The following CSNK1D variants were observed in gnomAD, a reference collection of about 807,000 sequenced individuals.
CSNK1D encodes the protein casein kinase 1 delta, also known as casein kinase I isoform delta.
CSNK1D carries 16 observed loss-of-function variants against 46.6 expected under a neutral mutation model. The ratio of observed to expected loss-of-function variants is 0.34; its 90% confidence interval spans 0.23 to 0.52. The LOEUF (loss-of-function observed/expected upper bound fraction) is 0.52. Among genes scored for constraint, CSNK1D ranks in the 20% least tolerant of loss-of-function variants. The pLI, the probability that CSNK1D is intolerant of heterozygous loss-of-function variation, is 0.95. For missense variants in CSNK1D, 398 were observed against 578.4 expected (o/e 0.69, Z 3.20); for synonymous variants, 276 against 228.2 (o/e 1.21, Z -1.89).
downstream of CSNK1D, chr17:82,239,825 G>T: frequency 2.4e-6 from 1 of 416,738 alleles, no homozygotes; most frequent in Non-Finnish European, 4.1e-6. Context: ...TGTGCGTGGT[G>T]TGGTCAGTGC....
At position 82,251,930 on chromosome 17, in the gene CSNK1D, C is replaced by G. The variant is rs1437738130; in HGVS notation, c.737-403G>C. Reference sequence around the variant, plus strand: ...AATGGTATGAACCCGGGAGGCGGAGCTTGCAGTGAGCCGAGATCACGCCAC... The same window carrying G: ...AATGGTATGAACCCGGGAGGCGGAGGTTGCAGTGAGCCGAGATCACGCCAC... On this transcript the variant is annotated intron_variant, in intron 5 of 8. Coordinates refer to ENST00000314028, the MANE Select transcript of CSNK1D (RefSeq NM_001893.6). This position sits in a 1 kb window ranked among gnomAD's most constrained non-coding sequence, Gnocchi z 4.5. The G allele has an allele frequency of 9.2e-6, 3 of 324,468 alleles. No homozygotes were observed. Among genetic ancestry groups the G allele is most frequent in the Non-Finnish European group, 1.8e-5 (3 of 169,538 alleles). The allele number at this position is 324,468 out of a possible 1,614,324, so 20.1% of individuals were successfully genotyped here.
chr17:82,266,156 A>G (rs140444348), intron 1 of CSNK1D, among the ~76,000 whole-genome samples: 53 of 152,286 alleles, frequency 3.5e-4, no homozygotes, highest in African/African-American at 1.1e-3. Context: ...AGCCTGTGGT[A>G]GAGCTCCACG....
chr17:82,246,551 T>G, intron 8 of CSNK1D: 1 of 1,046,204 alleles, frequency 9.6e-7, no homozygotes. Context: ...CCCAGGCTAC[T>G]GTAGCCAAAG....
At chr17:82,241,765 G>A (rs1251415672), downstream of CSNK1D, among the ~76,000 whole-genome samples, 2 of 152,242 alleles carry the variant, frequency 1.3e-5, no homozygotes, top group Admixed American at 6.5e-5. Flanking sequence ...GGCACAGCCA[G>A]AATGGCTGAG....
chr17:82,263,758 G>T (rs977267961), intron 2 of CSNK1D, among the ~76,000 whole-genome samples: 18 of 152,216 alleles, frequency 1.2e-4, no homozygotes, highest in African/African-American at 4.3e-4. Context: ...CTTGACCCCA[G>T]CACCAGGCTC....
chr17:82,241,170 A>G (rs1181366493), downstream of CSNK1D, among the ~76,000 whole-genome samples: 1 of 152,184 alleles, frequency 6.6e-6, no homozygotes, highest in African/African-American at 2.4e-5. Flanking sequence ...ATGATCCCAG[A>G]TCAGAGGGAG....
chr17:82,257,643 G>GTGAGAGGGCGCCC (rs1476135998), intron 2 of CSNK1D, among the ~76,000 whole-genome samples: 1 of 152,164 alleles, frequency 6.6e-6, no homozygotes, highest in Non-Finnish European at 1.5e-5. Context: ...GGAAGGAGCC[G>GTGAGAGGGCGCCC]TGAGAGGGCG....
At position 82,265,724 on chromosome 17, in the gene CSNK1D, T is replaced by C; in HGVS notation, c.149A>G (p.His50Arg). Residue 50 changes from histidine (H) to arginine (R), a missense_variant, in exon 2 of 9, where the codon CAC becomes CGC. Physicochemically the swap from His to Arg is conservative, Grantham distance 29. Coordinates refer to ENST00000314028, the MANE Select transcript of CSNK1D (RefSeq NM_001893.6). Reference protein sequence around the residue: ...ECVKTKHPQLHIESKIYKMMQ... With the variant: ...ECVKTKHPQLRIESKIYKMMQ... ...CATCTTGTAGATTTTGCTCTCAATGTGGAGCTGAGGGTGTTTGGTTTTGAC... is the reference window on the plus strand; with the variant it reads ...CATCTTGTAGATTTTGCTCTCAATGCGGAGCTGAGGGTGTTTGGTTTTGAC... 1 of 1,614,212 alleles carries C rather than the reference T, an allele frequency of 6.2e-7. No individual in the cohort carries two copies. The highest frequency in any genetic ancestry group is 2.2e-5 in the East Asian group (1 of 44,880).
chr17:82,260,232 G>GAGTGATGTGACTGATGGTATACCA (rs2051294459), intron 2 of CSNK1D, among the ~76,000 whole-genome samples: 1 of 151,584 alleles, frequency 6.6e-6, no homozygotes, highest in African/African-American at 2.4e-5. Context: ...ATGGTGTACT[G>GAGTGATGTGACTGATGGTATACCA]AGTGATGTGA....
chr17:82,255,679 A>G lies in CSNK1D; in HGVS notation c.188-102T>C, dbSNP rs1035405140. Reference sequence around the variant, plus strand: ...CAAGGGGTCATGGTGACAATCCTGAACGGGGGAGGGGTGGTGGAGGTAGAA... The same window carrying G: ...CAAGGGGTCATGGTGACAATCCTGAGCGGGGGAGGGGTGGTGGAGGTAGAA... On this transcript the variant is annotated intron_variant, in intron 2 of 8. Coordinates refer to ENST00000314028, the MANE Select transcript of CSNK1D (RefSeq NM_001893.6). This position sits in a 1 kb window ranked among gnomAD's most constrained non-coding sequence, Gnocchi z 5.9. The G allele has an allele frequency of 1.4e-6, 2 of 1,443,060 alleles. No homozygotes were observed. The highest frequency in any genetic ancestry group is 1.9e-6 in the Non-Finnish European group (2 of 1,030,132). The allele number at this position is 1,443,060 out of a possible 1,614,324, so 89.4% of individuals were successfully genotyped here. A position where few individuals can be genotyped will look rare whatever the true frequency, so the allele number is the denominator to read the frequency against.
At chr17:82,240,012 G>A, downstream of CSNK1D, 1 of 1,233,800 alleles carries the variant, frequency 8.1e-7, no homozygotes, top group Non-Finnish European at 1.0e-6. Flanking sequence ...GACGGCAGCG[G>A]GTGCCCTGGC....
At chr17:82,267,730 G>A (rs1463962678) in intron 1 of CSNK1D, among the ~76,000 whole-genome samples, 3 of 152,198 alleles carry the variant, frequency 2.0e-5, no homozygotes, top group African/African-American at 4.8e-5. Flanking sequence ...CTCGCCAGCC[G>A]GGAGGGAGGG....
At chr17:82,266,721 A>C (rs2051477752) in intron 1 of CSNK1D, 1 of 152,478 alleles carries the variant, frequency 6.6e-6, no homozygotes, top group South Asian at 2.1e-4. Flanking sequence ...CACACAGTAC[A>C]TACCCAGCTC....
At position 82,243,245 on chromosome 17, in the gene CSNK1D, A is replaced by G; in HGVS notation, c.*1536T>C. 1.0e-6 allele frequency: 1 copy of G among 985,504 alleles called. No individual in the cohort carries two copies. Among genetic ancestry groups the G allele is most frequent in the Non-Finnish European group, 1.2e-6 (1 of 829,988 alleles). 61.0% of individuals were successfully genotyped at this position (985,504 alleles called of 1,614,324 possible). A position where few individuals can be genotyped will look rare whatever the true frequency, so the allele number is the denominator to read the frequency against. ...GCCAGCCAGTTATGGCATCCGGGGA[A>G]CTCTGGGGAGGAGAAGGGAGAACCA... is the stretch of plus-strand genomic sequence containing the variant. On this transcript the variant is annotated 3_prime_UTR_variant, in exon 9 of 9. Transcript: ENST00000314028.
chr17:82,253,529 G>A (rs1054234411), intron 3 of CSNK1D: 7 of 444,066 alleles, frequency 1.6e-5, no homozygotes, highest in Non-Finnish European at 3.0e-5. Flanking sequence ...ACTAGACATC[G>A]GTCTCTCCCA....
In CSNK1D at chr17:82,243,399, G is replaced by A. The variant is rs1025191148; in HGVS notation, c.*1382C>T. 7.1e-6 allele frequency: 7 copies of A among 985,396 alleles called. No individual in the cohort carries two copies. The highest frequency in any genetic ancestry group is 5.2e-5 in the African/African-American group (3 of 57,250). 61.0% of individuals were successfully genotyped at this position (985,396 alleles called of 1,614,324 possible). A position where few individuals can be genotyped will look rare whatever the true frequency, so the allele number is the denominator to read the frequency against. On this transcript the variant is annotated 3_prime_UTR_variant, in exon 9 of 9. Transcript: ENST00000314028. ...TGGGAGCACATGGCCACTGGCTACC[G>A]CCCAAGTGCTGCGGAGTGAGAGGCG...
At chr17:82,271,781 G>A (rs1246714279) in intron 1 of CSNK1D, among the ~76,000 whole-genome samples, 2 of 152,218 alleles carry the variant, frequency 1.3e-5, no homozygotes, top group Non-Finnish European at 2.9e-5. Context: ...AAGGGTGTGA[G>A]AACTGGAGAC....
At chr17:82,246,217 G>A in intron 8 of CSNK1D, 1 of 1,511,070 alleles carries the variant, frequency 6.6e-7, no homozygotes, top group Non-Finnish European at 8.8e-7. Context: ...CGGGCCTCTG[G>A]ATGAGAGTGG....
intron 8 of CSNK1D, chr17:82,246,758 C>T: frequency 1.0e-6 from 1 of 991,888 alleles, no homozygotes; most frequent in Non-Finnish European, 1.2e-6. Flanking sequence ...TGCCTCCTCC[C>T]ATCTCCACAG....
Sources: gnomAD v4.1 joint callset for allele counts (sites outside exome capture counted in the v4.1 genomes callset) on GRCh38, gnomAD v4.1.1 for gene constraint, Gnocchi (gnomAD v3.1) non-coding constraint, MANE v1.5 for transcripts, NCBI Gene and HGNC (gene_info 2026-07-23, HGNC 2026-07-21) for gene names.